DRC11L: variants seen among roughly 807,000 people sequenced by gnomAD.
DRC11L encodes dynein regulatory complex subunit like-11.
the DRC11L span, chr7:151,203,136 G>A: frequency 1.5e-5 from 6 of 398,986 alleles, no homozygotes; most frequent in Non-Finnish European, 2.7e-5. Flanking sequence ...GCACATGAGG[G>A]AGAGCTTGCA....
chr7:151,204,371 G>T, the DRC11L span: 1 of 397,398 alleles, frequency 2.5e-6, no homozygotes, highest in Non-Finnish European at 4.4e-6. Flanking sequence ...AGGGGTGGTC[G>T]GCCCCATCCC....
the DRC11L span, among the ~76,000 whole-genome samples, chr7:151,195,158 G>T: frequency 6.6e-6 from 1 of 152,184 alleles, no homozygotes; most frequent in Admixed American, 6.5e-5. Context: ...GGATCTGGAA[G>T]TGGAGAGCAA....
the DRC11L span, chr7:151,192,246 C>T: frequency 5.8e-5 from 23 of 398,892 alleles, no homozygotes; most frequent in East Asian, 1.8e-4. Flanking sequence ...CTTTGGTAGG[C>T]GCAGCCGTCC....
the DRC11L span, among the ~76,000 whole-genome samples, chr7:151,192,112 G>C: frequency 3.8e-4 from 58 of 152,298 alleles, no homozygotes; most frequent in African/African-American, 1.3e-3. Context: ...ACCTGCTCGC[G>C]TCCACAGAGC....
chr7:151,201,992 C>A, the DRC11L span, among the ~76,000 whole-genome samples: 2 of 152,176 alleles, frequency 1.3e-5, no homozygotes, highest in African/African-American at 4.8e-5. This position sits in a 1 kb window ranked among gnomAD's most constrained non-coding sequence, Gnocchi z 4.1. Context: ...ACAGCAGAGG[C>A]TGACCCAGAG....
chr7:151,191,072 T>C, the DRC11L span: 7 of 399,048 alleles, frequency 1.8e-5, no homozygotes, highest in Non-Finnish European at 3.1e-5. Flanking sequence ...CCCAGTGGGG[T>C]CTTGAAGTAC....
the DRC11L span, chr7:151,195,726 C>A: frequency 2.5e-6 from 1 of 399,164 alleles, no homozygotes; most frequent in African/African-American, 2.1e-5. Context: ...GAGGAGCAGG[C>A]AGGCAGGGAT....
At chr7:151,204,893 G>T in the DRC11L span, 4 of 398,970 alleles carry the variant, frequency 1.0e-5, no homozygotes, top group Non-Finnish European at 1.8e-5. Context: ...TGGGGAGACG[G>T]AGCAGCCTGG....
At chr7:151,194,404 C>T in the DRC11L span, 74 of 398,948 alleles carry the variant, frequency 1.9e-4, no homozygotes, top group African/African-American at 1.1e-3. Flanking sequence ...GCACACTCTC[C>T]GAGTGGCAAT....
the DRC11L span, among the ~76,000 whole-genome samples, chr7:151,199,635 TCCAGTGGTAGCCTC>T: frequency 6.6e-6 from 1 of 151,772 alleles, no homozygotes; most frequent in East Asian, 2.0e-4. This position sits in a 1 kb window ranked among gnomAD's most constrained non-coding sequence, Gnocchi z 5.2. Context: ...GCTCCAAGCC[TCCAGTGGTAGCCTC>T]CCAGCCTGCC....
the DRC11L span, chr7:151,195,660 T>A: frequency 5.0e-6 from 2 of 399,520 alleles, no homozygotes; most frequent in Non-Finnish European, 4.4e-6. Flanking sequence ...CTCATCCACC[T>A]AGGGGAGACA....
chr7:151,191,466 C>T, the DRC11L span, among the ~76,000 whole-genome samples: 1 of 152,222 alleles, frequency 6.6e-6, no homozygotes. Flanking sequence ...GCCCCGAAGC[C>T]TTGGCATTTC....
chr7:151,198,904 ACTC>A, the DRC11L span: 1 of 398,792 alleles, frequency 2.5e-6, no homozygotes, highest in Non-Finnish European at 4.4e-6. Context: ...GCTGCCCGGA[ACTC>A]CTCCTCTTTC....
chr7:151,201,753 C>G, the DRC11L span, among the ~76,000 whole-genome samples: 1 of 152,156 alleles, frequency 6.6e-6, no homozygotes. The surrounding 1 kb of genome is among the most constrained non-coding windows in gnomAD (Gnocchi z 4.1). Context: ...CCCAGGTCAA[C>G]AGTTCCTGGA....
chr7:151,192,821 T>G, the DRC11L span: 1 of 398,926 alleles, frequency 2.5e-6, no homozygotes. Flanking sequence ...GCTGTAGGAG[T>G]CGGGCTACCT....
the DRC11L span, chr7:151,198,871 G>A: frequency 2.5e-6 from 1 of 399,132 alleles, no homozygotes; most frequent in Non-Finnish European, 4.4e-6. Context: ...GTCTCTACCA[G>A]AGAATCATGG....
At chr7:151,202,868 A>T in the DRC11L span, 1 of 399,460 alleles carries the variant, frequency 2.5e-6, no homozygotes, top group Non-Finnish European at 4.4e-6. Context: ...TTCCTGAATG[A>T]GGTGACTCTA....
the DRC11L span, chr7:151,195,791 A>AG: frequency 2.5e-6 from 1 of 395,500 alleles, no homozygotes. Flanking sequence ...TGAAGGCAGT[A>AG]GGGACAGCCC....
chr7:151,192,362 C>T, the DRC11L span: 8 of 399,144 alleles, frequency 2.0e-5, no homozygotes, highest in South Asian at 1.3e-4. Flanking sequence ...CAGCTGTGGC[C>T]GGGAGGTTGT....
Sources: allele counts gnomAD v4.1 joint callset (sites outside exome capture counted in the v4.1 genomes callset), GRCh38; gene constraint gnomAD v4.1.1; non-coding constraint Gnocchi (gnomAD v3.1); transcripts MANE v1.5; gene names NCBI Gene and HGNC (gene_info 2026-07-23, HGNC 2026-07-21).